Variants in MMD2 observed in about 807,000 individuals in gnomAD.
The protein encoded by MMD2 is monocyte to macrophage differentiation factor 2.
A neutral mutation model predicts 33.5 loss-of-function variants in MMD2; 30 were observed. That is an observed-to-expected ratio of 0.90 (90% CI 0.67 to 1.22). The LOEUF is 1.22. Ranked by LOEUF, MMD2 falls within the 50% of genes most tolerant of loss-of-function variation. The pLI is 0.00. For missense variants in MMD2, 364 were observed against 325.4 expected (o/e 1.12, Z -0.91); for synonymous variants, 129 against 123.0 (o/e 1.05, Z -0.32).
At chr7:4,917,403 T>G (rs1372728348) in intron 3 of MMD2, among the ~76,000 whole-genome samples, 1 of 152,168 alleles carries the variant, frequency 6.6e-6, no homozygotes, top group Non-Finnish European at 1.5e-5. Context: ...GGCTCATGCC[T>G]GTAATCCCAG....
chr7:4,903,131 G>C (rs1161154434), downstream of MMD2, among the ~76,000 whole-genome samples: 1 of 152,114 alleles, frequency 6.6e-6, no homozygotes. Context: ...CCAGCTACTC[G>C]AGAGGCTGAG....
At position 4,906,707 on chromosome 7, in the gene MMD2, G is replaced by A. The variant is rs192492361; in HGVS notation, c.*689C>T. ...TTTCCCAAAAGGGAGGGGGAGATGA[G>A]GAGATAGGCATGCAAATGCCCATTT... On this transcript the variant is annotated 3_prime_UTR_variant, in exon 7 of 7. Coordinates refer to ENST00000401401, the MANE Select transcript of MMD2 (RefSeq NM_198403.4). 1.3e-5 allele frequency: 5 copies of A among 396,600 alleles called. No homozygotes were observed. The Admixed American group carries it at 2.2e-4, about 17-fold the overall frequency. The allele number at this position is 396,600 out of a possible 1,614,324, so 24.6% of individuals were successfully genotyped here. A position where few individuals can be genotyped will look rare whatever the true frequency, so the allele number is the denominator to read the frequency against.
At chr7:4,924,008 C>T (rs565513947) in intron 2 of MMD2, among the ~76,000 whole-genome samples, 92 of 152,080 alleles carry the variant, frequency 6.0e-4, no homozygotes, top group African/African-American at 1.9e-3. Flanking sequence ...CTGGCTAACA[C>T]GGTGAAACCC....
At chr7:4,905,343 AGAG>A (rs531528277), downstream of MMD2, among the ~76,000 whole-genome samples, 330 of 148,990 alleles carry the variant, frequency 2.2e-3, 2 homozygotes, top group African/African-American at 7.4e-3. The surrounding 1 kb of genome is among the most constrained non-coding windows in gnomAD (Gnocchi z 5.0). Context: ...GAGAAGAAGA[AGAG>A]GAGGAGGAGA....
At chr7:4,933,279 T>C (rs1449220766) in intron 1 of MMD2, among the ~76,000 whole-genome samples, 1 of 152,114 alleles carries the variant, frequency 6.6e-6, no homozygotes, top group South Asian at 2.1e-4. Context: ...AGAGGATCAC[T>C]TGAGCCCAGG....
At chr7:4,898,879 A>G in the MMD2 span, among the ~76,000 whole-genome samples, 1 of 152,120 alleles carries the variant, frequency 6.6e-6, no homozygotes, top group African/African-American at 2.4e-5. Flanking sequence ...AGCCTGGGCA[A>G]CACAGTGAGA....
chr7:4,910,463 A>C (rs1424548122), intron 5 of MMD2, among the ~76,000 whole-genome samples: 1 of 151,952 alleles, frequency 6.6e-6, no homozygotes, highest in Non-Finnish European at 1.5e-5. Context: ...TTCCCCACTG[A>C]ATTATTTCCA....
At chr7:4,958,904 C>A in intron 1 of MMD2, 67 bp downstream of exon 1, 1 of 1,249,918 alleles carries the variant, frequency 8.0e-7, no homozygotes, top group Non-Finnish European at 1.0e-6. Context: ...ACCAAGGTGG[C>A]CTCCGCGGCC....
At chr7:4,958,570 A>G (rs1196364144) in intron 1 of MMD2, among the ~76,000 whole-genome samples, 2 of 152,132 alleles carry the variant, frequency 1.3e-5, no homozygotes, top group African/African-American at 4.8e-5. Flanking sequence ...CATGAACAAG[A>G]GTGCCCAAGA....
chr7:4,951,106 C>T (rs1302245100), intron 1 of MMD2, among the ~76,000 whole-genome samples: 1 of 152,064 alleles, frequency 6.6e-6, no homozygotes, highest in Admixed American at 6.6e-5. Flanking sequence ...TCCCACAGTC[C>T]AGGAGGTGAA....
chr7:4,909,571 T>C (rs1784953219), intron 6 of MMD2, among the ~76,000 whole-genome samples: 1 of 151,796 alleles, frequency 6.6e-6, no homozygotes, highest in African/African-American at 2.4e-5. Flanking sequence ...GCCTCCAGAG[T>C]AGCTGAGACT....
chr7:4,907,470 C>A lies in MMD2; in HGVS notation c.667G>T (p.Ala223Ser), dbSNP rs1784892946. 1 of 1,613,986 alleles carries A rather than the reference C, an allele frequency of 6.2e-7. No individual in the cohort carries two copies. The change falls in exon 7 of 7, where the codon GCT becomes TCT. Residue 223 changes from alanine to serine, a missense_variant. Transcript: ENST00000401401. ...CAGATGGCATAGTAGTGGGTACCAG[C>A]ACCAAATGCTACAAAGAGATGCCAG... ...AIWHLFVAFG[A>S]GTHYYAIWRY...
chr7:4,934,935 C>T (rs1562488580), intron 1 of MMD2, among the ~76,000 whole-genome samples: 1 of 152,164 alleles, frequency 6.6e-6, no homozygotes, highest in Admixed American at 6.6e-5. Context: ...CCTGTGATCC[C>T]AGCACTTTGA....
At chr7:4,896,645 C>G in the MMD2 span, among the ~76,000 whole-genome samples, 1 of 152,062 alleles carries the variant, frequency 6.6e-6, no homozygotes, top group Non-Finnish European at 1.5e-5. Flanking sequence ...AATTCCTGGC[C>G]CGTGAAAACC....
At chr7:4,918,329 T>C (rs1455767402) in intron 3 of MMD2, among the ~76,000 whole-genome samples, 1 of 152,184 alleles carries the variant, frequency 6.6e-6, no homozygotes, top group Non-Finnish European at 1.5e-5. Context: ...CTAATGATTG[T>C]ATGCACGGCT....
Position 4,906,191 on chromosome 7 carries a change from C to G in MMD2, c.*1205G>C, listed in dbSNP as rs192787723. On this transcript the variant is annotated 3_prime_UTR_variant, in exon 7 of 7. Coordinates refer to ENST00000401401, the MANE Select transcript of MMD2 (RefSeq NM_198403.4). ...ATCCAGAGAATCTGAGATTCCAATT[C>G]AGATCCTGGAGCTGGGCCTGCTACT... is the stretch of plus-strand genomic sequence containing the variant. 22 of 304,170 alleles carry G rather than the reference C, an allele frequency of 7.2e-5. No homozygotes were observed. In the East Asian group the frequency reaches 9.3e-4, roughly 13 times the overall value. The allele number at this position is 304,170 out of a possible 1,614,324, so 18.8% of individuals were successfully genotyped here. A position where few individuals can be genotyped will look rare whatever the true frequency, so the allele number is the denominator to read the frequency against.
chr7:4,893,380 A>ATTTT, the MMD2 span, among the ~76,000 whole-genome samples: 1 of 150,272 alleles, frequency 6.7e-6, no homozygotes, highest in African/African-American at 2.4e-5. Context: ...TTATTTATTT[A>ATTTT]TTTATTTATT....
chr7:4,913,816 C>A (rs929428918), intron 4 of MMD2, among the ~76,000 whole-genome samples: 2 of 151,392 alleles, frequency 1.3e-5, no homozygotes, highest in African/African-American at 4.9e-5. Flanking sequence ...TGCCTGCCAC[C>A]ACGCCCGACT....
chr7:4,911,542 G>A (rs191000468), intron 4 of MMD2, among the ~76,000 whole-genome samples: 17 of 152,302 alleles, frequency 1.1e-4, no homozygotes, highest in East Asian at 7.7e-4. Context: ...GTTTGGGGGC[G>A]ATTGTGCATT....
Sources: allele counts gnomAD v4.1 joint callset (sites outside exome capture counted in the v4.1 genomes callset), GRCh38; gene constraint gnomAD v4.1.1; non-coding constraint Gnocchi (gnomAD v3.1); transcripts MANE v1.5; gene names NCBI Gene and HGNC (gene_info 2026-07-23, HGNC 2026-07-21).